The following DNAH11 variants were observed in gnomAD, a reference collection of about 807,000 sequenced individuals.
DNAH11 encodes axonemal beta dynein heavy chain 11.
In DNAH11, 442 loss-of-function variants were observed where a neutral mutation model predicts 526.0. That is an observed-to-expected ratio of 0.84 (90% CI 0.78 to 0.91). DNAH11 has a LOEUF of 0.91. Ranked by LOEUF, DNAH11 falls within the 40% of genes least tolerant of loss-of-function variation. The pLI, the probability that DNAH11 is intolerant of heterozygous loss-of-function variation, is 0.00. For synonymous variants in DNAH11, 2,461 were observed against 1,935.9 expected (o/e 1.27, Z -7.12); for missense variants, 6,989 against 5,448.7 (o/e 1.28, Z -8.90).
chr7:21,622,095 T>G (rs368138703), intron 25 of DNAH11, among the ~76,000 whole-genome samples: 1 of 152,108 alleles, frequency 6.6e-6, no homozygotes, highest in African/African-American at 2.4e-5. Flanking sequence ...AAAATCTCCT[T>G]AAGCTGATAA....
chr7:21,810,040 GA>G (rs1217444093), intron 63 of DNAH11, among the ~76,000 whole-genome samples: 1 of 152,182 alleles, frequency 6.6e-6, no homozygotes, highest in Admixed American at 6.5e-5. Flanking sequence ...TGAATAGCAT[GA>G]AACTTTTTGT....
chr7:21,620,861 A>G (rs988223805), intron 25 of DNAH11, among the ~76,000 whole-genome samples: 3 of 151,258 alleles, frequency 2.0e-5, no homozygotes, highest in African/African-American at 7.3e-5. Flanking sequence ...GATGATTTCC[A>G]ATTTCATCCA....
intron 71 of DNAH11, 114 bp downstream of exon 71, chr7:21,866,777 T>C: frequency 2.6e-6 from 3 of 1,150,246 alleles, no homozygotes; most frequent in East Asian, 2.5e-5. Context: ...TGGGGAGTGA[T>C]TCTGCTGAGA....
intron 52 of DNAH11, 106 bp from the exon 53 acceptor site, chr7:21,749,572 A>G: frequency 6.9e-7 from 1 of 1,447,252 alleles, no homozygotes; most frequent in East Asian, 2.3e-5. Context: ...GGCACCCCAC[A>G]GTGCTATGGC....
chr7:21,808,140 C>G (rs551201352), intron 63 of DNAH11, 91 bp downstream of exon 63: 46 of 1,084,510 alleles, frequency 4.2e-5, no homozygotes, highest in Non-Finnish European at 5.6e-5. Context: ...CGCTTTTGGA[C>G]GTCTGTAATG....
At chr7:21,814,035 T>C (rs1583725968) in intron 63 of DNAH11, among the ~76,000 whole-genome samples, 1 of 152,262 alleles carries the variant, frequency 6.6e-6, no homozygotes, top group African/African-American at 2.4e-5. Flanking sequence ...TGGCATAGCC[T>C]ATTGCTCCTA....
At chr7:21,842,825 TA>T in intron 66 of DNAH11, 77 bp downstream of exon 66, 1 of 1,259,288 alleles carries the variant, frequency 7.9e-7, no homozygotes, top group Non-Finnish European at 1.1e-6. Flanking sequence ...CATAGAAGTA[TA>T]AAATAGGATT....
In DNAH11 at chr7:21,702,698, T is replaced by C. The variant is rs201203384; in HGVS notation, c.6181-12T>C. 466 of 1,611,560 alleles carry C rather than the reference T, an allele frequency of 2.9e-4. No homozygotes were observed. The African/African-American group carries it at 3.4e-3, about 12-fold the overall frequency. ...TACAATTTTTGAGAAAATAAACCTG[T>C]TTTGATTTTAGGATCATTACGACTG... On this transcript the variant is annotated splice_polypyrimidine_tract_variant and intron_variant, in intron 36 of 81. Transcript: ENST00000409508.
At chr7:21,727,080 C>T (rs1247269113) in intron 45 of DNAH11, among the ~76,000 whole-genome samples, 3 of 150,118 alleles carry the variant, frequency 2.0e-5, no homozygotes, top group Non-Finnish European at 4.4e-5. Flanking sequence ...ACTACAGGTG[C>T]CCGCCACCAC....
intron 14 of DNAH11, among the ~76,000 whole-genome samples, chr7:21,593,895 C>T (rs933709046): frequency 6.6e-6 from 1 of 151,806 alleles, no homozygotes; most frequent in Admixed American, 6.6e-5. Context: ...CCTGCTCCCC[C>T]CAGACACAAA....
intron 29 of DNAH11, among the ~76,000 whole-genome samples, 195 bp from the exon 30 acceptor site, chr7:21,658,603 T>A (rs1020146377): frequency 6.6e-6 from 1 of 151,968 alleles, no homozygotes; most frequent in Non-Finnish European, 1.5e-5. Flanking sequence ...AGAAGGCGGG[T>A]TCCTGCAGGA....
At chr7:21,861,706 A>C (rs1740709799) in intron 68 of DNAH11, 147 bp from the exon 69 acceptor site, 1 of 647,862 alleles carries the variant, frequency 1.5e-6, no homozygotes, top group African/African-American at 1.9e-5. Flanking sequence ...AGCATGTACC[A>C]TGTGCCAGAA....
intron 9 of DNAH11, 124 bp from the exon 10 acceptor site, chr7:21,587,940 A>G: frequency 1.2e-6 from 1 of 866,344 alleles, no homozygotes; most frequent in Non-Finnish European, 1.6e-6. Flanking sequence ...ATTTTGAAGC[A>G]TCACAGGATG....
At chr7:21,629,981 T>G (rs534360227) in intron 25 of DNAH11, among the ~76,000 whole-genome samples, 1 of 152,254 alleles carries the variant, frequency 6.6e-6, no homozygotes, top group South Asian at 2.1e-4. Context: ...GTTTTGTAAT[T>G]TTTCTTTTTT....
At chr7:21,631,464 T>C (rs1022065024) in intron 25 of DNAH11, among the ~76,000 whole-genome samples, 7 of 152,196 alleles carry the variant, frequency 4.6e-5, no homozygotes, top group Non-Finnish European at 1.0e-4. Context: ...CTTCCACATA[T>C]GAGCCTGTAA....
intron 5 of DNAH11, among the ~76,000 whole-genome samples, chr7:21,562,931 T>C (rs1783524977): frequency 6.6e-6 from 1 of 150,666 alleles, no homozygotes; most frequent in African/African-American, 2.5e-5. Flanking sequence ...TTCAGCAGGG[T>C]TTTTTTTGTT....
intron 54 of DNAH11, among the ~76,000 whole-genome samples, chr7:21,760,527 T>A (rs1786853058): frequency 6.6e-6 from 1 of 152,230 alleles, no homozygotes; most frequent in Admixed American, 6.5e-5. Context: ...CAAGGGCCAC[T>A]GCCCCAAATG....
Position 21,707,827 on chromosome 7 carries a change from A to G in DNAH11, c.6675A>G (p.Lys2225=). 6.3e-7 allele frequency: 1 copy of G among 1,596,708 alleles called. No homozygotes were observed. Residue 2225 remains lysine, a synonymous_variant, in exon 40 of 82, where the codon AAA becomes AAG. Coordinates refer to ENST00000409508, the MANE Select transcript of DNAH11 (RefSeq NM_001277115.2). ...TACATCATGCTACCCGAGAATGGAA[A>G]GATGGCAAGTAGTATTTCCCCTTTA... The part of the protein sequence containing the change: ...GFIHHATREW[K]DGKIVYSYFI...
At chr7:21,680,430 T>C (rs1327057682) in intron 30 of DNAH11, among the ~76,000 whole-genome samples, 3 of 152,214 alleles carry the variant, frequency 2.0e-5, no homozygotes, top group Admixed American at 1.3e-4. Context: ...GAAATCTTTT[T>C]GTGTAAATAA....
Sources: allele counts gnomAD v4.1 joint callset (sites outside exome capture counted in the v4.1 genomes callset), GRCh38; gene constraint gnomAD v4.1.1; transcripts MANE v1.5; gene names NCBI Gene and HGNC (gene_info 2026-07-23, HGNC 2026-07-21).